Variants in ELK3 observed in about 807,000 individuals in gnomAD.
ELK3 encodes the protein ETS transcription factor ELK3, also known as ETS domain-containing protein Elk-3.
A neutral mutation model predicts 28.9 loss-of-function variants in ELK3; 10 were observed. That is an observed-to-expected ratio of 0.35 (90% CI 0.21 to 0.59). ELK3 has a LOEUF of 0.59. Ranked by LOEUF, ELK3 falls within the 20% of genes least tolerant of loss-of-function variation. The pLI, the probability that ELK3 is intolerant of heterozygous loss-of-function variation, is 0.82. For missense variants in ELK3, 463 were observed against 517.3 expected (o/e 0.90, Z 1.02); for synonymous variants, 272 against 243.5 (o/e 1.12, Z -1.09).
chr12:96,247,159 T>TA lies in ELK3; in HGVS notation c.428dup (p.Tyr143Ter). The change falls in exon 3 of 5, where the codon TAC becomes TAAC. Residue 143 changes from tyrosine to a stop codon, truncating the protein, a stop_gained and frameshift_variant. Coordinates refer to ENST00000228741, the MANE Select transcript of ELK3 (RefSeq NM_005230.4). LOFTEE classifies it high-confidence loss of function. The surrounding 1 kb of genome is among the most constrained non-coding windows in gnomAD (Gnocchi z 5.5). ...CAACGAATACATCCACTCAGGCCTG[T>TA]ACTCGTCCTTCACCATTAATTCCCT... is the stretch of plus-strand genomic sequence containing the variant. ...SRNEYIHSGL[Y>*]SSFTINSLQN... The TA allele has an allele frequency of 6.2e-7, 1 of 1,613,884 alleles. No individual in the cohort carries two copies. Among genetic ancestry groups the TA allele is most frequent in the Non-Finnish European group, 8.5e-7 (1 of 1,179,904 alleles).
chr12:96,202,523 CTT>C lies in ELK3; in HGVS notation c.-3+7836_-3+7837del, dbSNP rs67138285. 1.7e-4 allele frequency among the ~76,000 whole-genome samples: 18 copies of C among 108,584 alleles called. 1 individual carries two copies. The highest frequency in any genetic ancestry group is 5.6e-4 in the African/African-American group (15 of 26,964). The allele number at this position is 108,584 out of a possible 152,430, so 71.2% of individuals were successfully genotyped here. On this transcript the variant is annotated intron_variant, in intron 1 of 4. Transcript: ENST00000228741. ...TGGCCTTCAGAGCCCTTACCACAAG[CTT>C]TTTTTTTTTTTTTTTTTGAGAGATG...
At chr12:96,213,461 G>A (rs1951590192) in intron 1 of ELK3, among the ~76,000 whole-genome samples, 1 of 152,168 alleles carries the variant, frequency 6.6e-6, no homozygotes, top group African/African-American at 2.4e-5. Context: ...ATAGGGCTGG[G>A]TTGTATGGTG....
intron 1 of ELK3, among the ~76,000 whole-genome samples, chr12:96,197,292 C>T (rs1338658950): frequency 6.6e-6 from 1 of 152,112 alleles, no homozygotes; most frequent in Non-Finnish European, 1.5e-5. Context: ...GTTGTTATAA[C>T]TAAGGGGGTG....
chr12:96,214,393 T>C (rs1025363774), intron 1 of ELK3, among the ~76,000 whole-genome samples: 4 of 151,924 alleles, frequency 2.6e-5, no homozygotes, highest in African/African-American at 9.7e-5. Flanking sequence ...ATCACACCAC[T>C]GTGCTCCAGC....
intron 1 of ELK3, among the ~76,000 whole-genome samples, chr12:96,215,619 G>A (rs1463056530): frequency 6.7e-6 from 1 of 148,920 alleles, no homozygotes; most frequent in Non-Finnish European, 1.5e-5. Context: ...ACTAAAGAGG[G>A]ACATAAAACC....
intron 2 of ELK3, among the ~76,000 whole-genome samples, chr12:96,242,639 C>A (rs1439650752): frequency 6.6e-6 from 1 of 152,106 alleles, no homozygotes; most frequent in East Asian, 1.9e-4. Flanking sequence ...CCTCTGAGCC[C>A]AGGTTGTTCC....
chr12:96,209,471 T>C (rs1164717452), intron 1 of ELK3, among the ~76,000 whole-genome samples: 3 of 152,212 alleles, frequency 2.0e-5, no homozygotes, highest in African/African-American at 7.2e-5. Context: ...TTTGTATCCA[T>C]GCAAAAAGGT....
At chr12:96,217,312 G>A (rs996086959) in intron 1 of ELK3, among the ~76,000 whole-genome samples, 3 of 152,186 alleles carry the variant, frequency 2.0e-5, no homozygotes, top group Non-Finnish European at 4.4e-5. Context: ...GACTCCCTCC[G>A]GATGATGTGA....
chr12:96,227,777 A>T (rs956977654), intron 2 of ELK3, among the ~76,000 whole-genome samples: 3 of 152,208 alleles, frequency 2.0e-5, no homozygotes, highest in Non-Finnish European at 2.9e-5. Context: ...GTTTGAATCC[A>T]GCTCCATGAC....
intron 1 of ELK3, among the ~76,000 whole-genome samples, chr12:96,210,117 G>C (rs1951566053): frequency 6.6e-6 from 1 of 152,096 alleles, no homozygotes; most frequent in South Asian, 2.1e-4. Context: ...TGAAACATAA[G>C]AATCAAAAGT....
intron 1 of ELK3, among the ~76,000 whole-genome samples, chr12:96,209,096 C>T (rs1433264726): frequency 1.3e-5 from 2 of 152,320 alleles, no homozygotes; most frequent in African/African-American, 4.8e-5. Context: ...TGCCGTGGTG[C>T]AGCGTGTGTG....
intron 3 of ELK3, among the ~76,000 whole-genome samples, chr12:96,254,180 C>T (rs1458803487): frequency 6.6e-6 from 1 of 152,172 alleles, no homozygotes; most frequent in Non-Finnish European, 1.5e-5. Context: ...AGAAAATTAG[C>T]TGGGTGTGGT....
In ELK3 at chr12:96,199,704, A is replaced by G. The variant is rs182894111; in HGVS notation, c.-3+4999A>G. ...AGTAAACTTTGAACTAGTCATTTCA[A>G]TAAATTGTGATTTGGTTTGAATTCC... On this transcript the variant is annotated intron_variant, in intron 1 of 4. Coordinates refer to ENST00000228741, the MANE Select transcript of ELK3 (RefSeq NM_005230.4). Among the ~76,000 whole-genome samples the G allele has an allele frequency of 8.9e-4, 135 of 152,326 alleles. 1 individual carries two copies. The highest frequency in any genetic ancestry group is 3.1e-3 in the African/African-American group (129 of 41,576).
chr12:96,229,942 C>G (rs1951729310), intron 2 of ELK3, among the ~76,000 whole-genome samples: 1 of 152,008 alleles, frequency 6.6e-6, no homozygotes, highest in Admixed American at 6.6e-5. Flanking sequence ...AAATAAGGTC[C>G]TAGTCACAGG....
rs778883490 is a variant in ELK3 at position 96,247,100 on chromosome 12, A to G, written c.368A>G (p.Lys123Arg). Residue 123 changes from lysine to arginine, a missense_variant, in exon 3 of 5, where the codon AAA becomes AGA. Lys to Arg is a conservative substitution (Grantham distance 26, BLOSUM62 2). This residue lies in a region of ELK3 where 408 missense variants were observed against 414.8 expected (regional missense o/e 0.98). Transcript: ENST00000228741. The surrounding 1 kb of genome is among the most constrained non-coding windows in gnomAD (Gnocchi z 5.5). ...KASPEGREAH[K>R]HGLAALRSTS... ...TCTCCGGAGGGCCGCGAGGCCCACA[A>G]ACACGGCCTGGCCGCCCTCAGAAGC... is the stretch of plus-strand genomic sequence containing the variant. The G allele has an allele frequency of 3.1e-6, 5 of 1,613,612 alleles. No individual in the cohort carries two copies. Among genetic ancestry groups the G allele is most frequent in the African/African-American group, 1.3e-5 (1 of 74,940 alleles).
In ELK3 at chr12:96,235,623, C is replaced by T. The variant is rs903871667; in HGVS notation, c.208-11317C>T. Among the ~76,000 whole-genome samples the T allele has an allele frequency of 1.2e-4, 19 of 152,128 alleles. No individual in the cohort carries two copies. In the East Asian group the frequency reaches 2.7e-3, roughly 22 times the overall value. ...AGGATCTTCGAGGGGAGGGGAGTTT[C>T]CAAGTCAACTGGTGACAAAGCCAGG... On this transcript the variant is annotated intron_variant, in intron 2 of 4. Transcript: ENST00000228741.
chr12:96,227,043 C>T (rs1458630411), intron 2 of ELK3, among the ~76,000 whole-genome samples: 1 of 152,192 alleles, frequency 6.6e-6, no homozygotes, highest in African/African-American at 2.4e-5. Flanking sequence ...TGACCGTTTT[C>T]GACTCACAGA....
chr12:96,222,211 C>T (rs562895791), intron 1 of ELK3, among the ~76,000 whole-genome samples: 1 of 152,228 alleles, frequency 6.6e-6, no homozygotes, highest in South Asian at 2.1e-4. Context: ...TCATGAAAGT[C>T]CTCAAAGGCC....
At chr12:96,213,156 A>T (rs1448375906) in intron 1 of ELK3, among the ~76,000 whole-genome samples, 1 of 152,232 alleles carries the variant, frequency 6.6e-6, no homozygotes, top group Non-Finnish European at 1.5e-5. Context: ...GGTTTAAAAC[A>T]TATATAAGCC....
Sources: gnomAD v4.1 joint callset for allele counts (sites outside exome capture counted in the v4.1 genomes callset) on GRCh38, gnomAD v4.1.1 for gene constraint, gnomAD v4.1.1 regional missense constraint, Gnocchi (gnomAD v3.1) non-coding constraint, MANE v1.5 for transcripts, NCBI Gene and HGNC (gene_info 2026-07-23, HGNC 2026-07-21) for gene names.